The following CCSER1 variants were observed in gnomAD, a reference collection of about 807,000 sequenced individuals.
CCSER1 encodes the protein serine-rich coiled-coil domain-containing protein 1.
CCSER1 carries 41 observed loss-of-function variants against 82.0 expected under a neutral mutation model. That is an observed-to-expected ratio of 0.50 (90% CI 0.39 to 0.65). CCSER1 has a LOEUF of 0.65. CCSER1 is among the 30% of genes least tolerant of loss of function. The pLI, the probability that CCSER1 is intolerant of heterozygous loss-of-function variation, is 0.00. For missense variants in CCSER1, 1,119 were observed against 1,064.2 expected, an observed-to-expected ratio of 1.05 and a Z score of -0.72; for synonymous variants, 414 against 383.9, an observed-to-expected ratio of 1.08 and a Z score of -0.92.
intron 4 of CCSER1, among the ~76,000 whole-genome samples, chr4:90,410,836 G>T (rs961595895): frequency 6.6e-6 from 1 of 152,162 alleles, no homozygotes; most frequent in African/African-American, 2.4e-5. Flanking sequence ...GAATCCAGGA[G>T]CTGGTTTTTC....
intron 10 of CCSER1, among the ~76,000 whole-genome samples, chr4:91,263,384 C>G (rs1028503894): frequency 3.3e-5 from 5 of 152,012 alleles, no homozygotes; most frequent in Non-Finnish European, 7.4e-5. Flanking sequence ...TTTTAACATT[C>G]AAGTTTATTC....
chr4:91,296,015 A>C (rs754063122), intron 10 of CCSER1, among the ~76,000 whole-genome samples: 5 of 151,916 alleles, frequency 3.3e-5, no homozygotes, highest in Non-Finnish European at 7.4e-5. Context: ...TTCCATGATA[A>C]TGTGGCTTTT....
intron 7 of CCSER1, among the ~76,000 whole-genome samples, chr4:90,729,481 G>A (rs1744308694): frequency 2.0e-5 from 3 of 152,066 alleles, no homozygotes; most frequent in Non-Finnish European, 2.9e-5. Context: ...TATTAATTTT[G>A]AGAAGGAGTA....
chr4:90,601,913 T>C (rs1420036434), intron 5 of CCSER1, among the ~76,000 whole-genome samples: 1 of 152,152 alleles, frequency 6.6e-6, no homozygotes, highest in Non-Finnish European at 1.5e-5. Context: ...TCAGAGAACC[T>C]ACTTTGTATG....
At chr4:90,925,178 A>T (rs1324297625) in intron 9 of CCSER1, among the ~76,000 whole-genome samples, 1 of 152,182 alleles carries the variant, frequency 6.6e-6, no homozygotes, top group Admixed American at 6.5e-5. Context: ...ATTAAATCTT[A>T]TTCTAATATA....
chr4:90,855,757 A>G (rs562084492), intron 8 of CCSER1, among the ~76,000 whole-genome samples: 9 of 152,246 alleles, frequency 5.9e-5, no homozygotes, highest in Admixed American at 2.0e-4. Context: ...TCTTAACATG[A>G]TAAGAAATAA....
At chr4:91,552,965 C>G (rs1488595741) in intron 10 of CCSER1, among the ~76,000 whole-genome samples, 1 of 151,372 alleles carries the variant, frequency 6.6e-6, no homozygotes, top group Non-Finnish European at 1.5e-5. Flanking sequence ...TCTTAGAGGA[C>G]AAGATTTCGG....
chr4:90,254,672 T>C (rs1722950607), intron 1 of CCSER1, among the ~76,000 whole-genome samples: 1 of 152,082 alleles, frequency 6.6e-6, no homozygotes, highest in Non-Finnish European at 1.5e-5. Flanking sequence ...CAGAGCCCTG[T>C]GTTCTTGTCT....
chr4:91,245,178 A>G (rs749068887), intron 10 of CCSER1, among the ~76,000 whole-genome samples: 5 of 152,186 alleles, frequency 3.3e-5, no homozygotes, highest in Non-Finnish European at 7.3e-5. Context: ...ATGTAAGAGT[A>G]ATTGGTTTTA....
chr4:91,586,936 A>G (rs1764026241), intron 10 of CCSER1, among the ~76,000 whole-genome samples: 2 of 151,780 alleles, frequency 1.3e-5, no homozygotes, highest in Admixed American at 1.3e-4. Flanking sequence ...TGGGTATTCC[A>G]TAATAATGAA....
intron 10 of CCSER1, among the ~76,000 whole-genome samples, chr4:91,171,325 T>C (rs1412864358): frequency 6.6e-6 from 1 of 152,176 alleles, no homozygotes; most frequent in Non-Finnish European, 1.5e-5. Flanking sequence ...ATTCAACTAA[T>C]TGTTTGTTAT....
intron 1 of CCSER1, among the ~76,000 whole-genome samples, chr4:90,233,183 T>C (rs1744991262): frequency 6.6e-6 from 1 of 152,150 alleles, no homozygotes; most frequent in Non-Finnish European, 1.5e-5. Flanking sequence ...CGTATGTTTA[T>C]TGCGGCATTA....
chr4:91,445,865 G>GT (rs1055822120), intron 10 of CCSER1, among the ~76,000 whole-genome samples: 19 of 150,996 alleles, frequency 1.3e-4, no homozygotes, highest in South Asian at 1.0e-3. Context: ...AAAATAGTGG[G>GT]TTTTTTTTTC....
intron 10 of CCSER1, among the ~76,000 whole-genome samples, chr4:91,161,592 G>T (rs1480729956): frequency 1.3e-5 from 2 of 152,078 alleles, no homozygotes; most frequent in African/African-American, 4.8e-5. Flanking sequence ...GCAGTAGTTT[G>T]TAGTTCTCTT....
intron 10 of CCSER1, among the ~76,000 whole-genome samples, chr4:91,429,329 T>C (rs564019206): frequency 6.6e-6 from 1 of 152,088 alleles, no homozygotes; most frequent in Admixed American, 6.5e-5. Flanking sequence ...TCTTGCAGAA[T>C]AATATATGAT....
At chr4:91,149,660 G>A (rs898214215) in intron 10 of CCSER1, among the ~76,000 whole-genome samples, 6 of 152,154 alleles carry the variant, frequency 3.9e-5, no homozygotes, top group African/African-American at 1.4e-4. Flanking sequence ...TTTGTATAAG[G>A]TGTAAGGAAG....
At chr4:90,641,245 TA>T (rs1464557727) in intron 6 of CCSER1, among the ~76,000 whole-genome samples, 1 of 152,116 alleles carries the variant, frequency 6.6e-6, no homozygotes, top group African/African-American at 2.4e-5. Flanking sequence ...AATATGGAGT[TA>T]AAAATATGCA....
chr4:90,932,954 GAAA>G lies in CCSER1; in HGVS notation c.2172+9508_2172+9510del, dbSNP rs1561384466. ...AGAAAGAAAGAAAGAAAGAAAGAAA[GAAA>G]GAAAGAAAGAAAGAAAGAAAGAAAG... On this transcript the variant is annotated intron_variant, in intron 9 of 10. Coordinates refer to ENST00000509176, the MANE Select transcript of CCSER1 (RefSeq NM_001145065.2). Among the ~76,000 whole-genome samples the G allele has an allele frequency of 1.2e-4, 4 of 32,592 alleles. 1 individual carries two copies. Among genetic ancestry groups the G allele is most frequent in the African/African-American group, 9.3e-4 (4 of 4,292 alleles). 21.4% of individuals were successfully genotyped at this position (32,592 alleles called of 152,430 possible).
At chr4:90,479,080 T>C (rs1320376406) in intron 5 of CCSER1, among the ~76,000 whole-genome samples, 1 of 152,162 alleles carries the variant, frequency 6.6e-6, no homozygotes, top group African/African-American at 2.4e-5. Context: ...ATTTAGAATC[T>C]GACACACTGT....
Sources: allele counts gnomAD v4.1 joint callset (sites outside exome capture counted in the v4.1 genomes callset), GRCh38; gene constraint gnomAD v4.1.1; transcripts MANE v1.5; gene names NCBI Gene and HGNC (gene_info 2026-07-23, HGNC 2026-07-21).